Variants in GUCY2C observed in about 807,000 individuals in gnomAD.
GUCY2C encodes the protein guanylate cyclase 2C, also known as guanylyl cyclase C.
In GUCY2C, 118 loss-of-function variants were observed where a neutral mutation model predicts 131.1. That is an observed-to-expected ratio of 0.90 (90% CI 0.78 to 1.05). The LOEUF is 1.05. Ranked by LOEUF, GUCY2C falls within the 50% of genes least tolerant of loss-of-function variation. The pLI is 0.00. For missense variants in GUCY2C, 1,161 were observed against 1,304.4 expected (o/e 0.89, Z 1.69); for synonymous variants, 452 against 457.8 (o/e 0.99, Z 0.16).
At chr12:14,640,655 A>C (rs1947380939) in intron 18 of GUCY2C, among the ~76,000 whole-genome samples, 1 of 152,110 alleles carries the variant, frequency 6.6e-6, no homozygotes, top group Non-Finnish European at 1.5e-5. Context: ...AATGCTCAGT[A>C]AGTGAGGATT....
intron 20 of GUCY2C, among the ~76,000 whole-genome samples, chr12:14,627,781 G>A (rs1364523911): frequency 2.0e-5 from 3 of 152,006 alleles, no homozygotes; most frequent in Non-Finnish European, 4.4e-5. Flanking sequence ...GAAAAAAAAA[G>A]GGCTAGAATT....
chr12:14,693,672 G>A (rs1013540938), intron 1 of GUCY2C, among the ~76,000 whole-genome samples: 1 of 152,142 alleles, frequency 6.6e-6, no homozygotes, highest in African/African-American at 2.4e-5. Context: ...CCAACAAAAT[G>A]CACTAACAAA....
At chr12:14,622,832 T>G (rs956879475) in intron 21 of GUCY2C, among the ~76,000 whole-genome samples, 1 of 152,200 alleles carries the variant, frequency 6.6e-6, no homozygotes, top group African/African-American at 2.4e-5. Context: ...AGAAGTCAAA[T>G]TAAAGCAACT....
At chr12:14,682,235 T>G (rs952757228) in intron 4 of GUCY2C, among the ~76,000 whole-genome samples, 2 of 152,148 alleles carry the variant, frequency 1.3e-5, no homozygotes, top group Admixed American at 1.3e-4. Flanking sequence ...ATCCCCATAA[T>G]CCCAATAATC....
chr12:14,614,569 A>G, intron 26 of GUCY2C: 1 of 265,350 alleles, frequency 3.8e-6, no homozygotes, highest in Non-Finnish European at 7.0e-6. Context: ...AAAAAAAAAA[A>G]GGTAGTTTTA....
intron 15 of GUCY2C, among the ~76,000 whole-genome samples, chr12:14,647,947 CTTATTTATTTAT>C (rs148784736): frequency 3.4e-4 from 51 of 148,710 alleles, no homozygotes; most frequent in African/African-American, 1.1e-3. Flanking sequence ...CATCTTTTTA[CTTATTTATTTAT>C]TTATTTATTT....
chr12:14,643,437 G>T, intron 17 of GUCY2C, 137 bp downstream of exon 17: 2 of 704,978 alleles, frequency 2.8e-6, no homozygotes, highest in Non-Finnish European at 2.4e-6. Context: ...GTGAAGTTCT[G>T]GAGAATGAGC....
At chr12:14,664,924 T>C (rs532669992) in intron 10 of GUCY2C, among the ~76,000 whole-genome samples, 39 of 152,276 alleles carry the variant, frequency 2.6e-4, no homozygotes, top group African/African-American at 8.7e-4. Flanking sequence ...TGAATAAGAA[T>C]AAGCCCTGAG....
chr12:14,666,952 A>AAT (rs1251349835), intron 10 of GUCY2C, among the ~76,000 whole-genome samples: 3 of 152,170 alleles, frequency 2.0e-5, no homozygotes, highest in African/African-American at 7.2e-5. Flanking sequence ...TGCTCAGGAT[A>AAT]ATATAACGTC....
intron 15 of GUCY2C, among the ~76,000 whole-genome samples, chr12:14,646,990 T>C (rs1397158233): frequency 1.3e-5 from 2 of 152,152 alleles, no homozygotes; most frequent in African/African-American, 4.8e-5. Context: ...GTTATGAAGA[T>C]TAAAGATGGC....
At chr12:14,636,806 A>G (rs1346551474) in intron 19 of GUCY2C, among the ~76,000 whole-genome samples, 1 of 152,078 alleles carries the variant, frequency 6.6e-6, no homozygotes, top group Non-Finnish European at 1.5e-5. Context: ...ATTAACATAC[A>G]GGCTGGGTGC....
In GUCY2C at chr12:14,656,111, A is replaced by T. The variant is rs751684764; in HGVS notation, c.1470+401T>A. ...TGGTTGAAGGTAAATGTGAGCAAAT[A>T]TAAGCAGAGGCCTCTTTCTTCAGGA... On this transcript the variant is annotated intron_variant, in intron 12 of 26. Transcript: ENST00000261170. Among the ~76,000 whole-genome samples the T allele has an allele frequency of 2.0e-5, 3 of 152,238 alleles. No homozygotes were observed. The South Asian group carries it at 6.2e-4, about 31-fold the overall frequency.
rs747458188 is a variant in GUCY2C, at chr12:14,688,069, G to A, written c.218-6C>T. ...GTTCACAGTCACATTTAGGCCTGTC[G>A]CCCAGAGATGAGGGAAAATAGAACA... On this transcript the variant is annotated splice_polypyrimidine_tract_variant and splice_region_variant and intron_variant, in intron 1 of 26. Coordinates refer to ENST00000261170, the MANE Select transcript of GUCY2C (RefSeq NM_004963.4). 16 of 1,538,144 alleles carry A rather than the reference G, an allele frequency of 1.0e-5. No homozygotes were observed. Among genetic ancestry groups the A allele is most frequent in the South Asian group, 6.7e-5 (6 of 89,504 alleles).
chr12:14,617,460 C>G (rs866671067), intron 24 of GUCY2C, among the ~76,000 whole-genome samples: 28 of 152,228 alleles, frequency 1.8e-4, no homozygotes, highest in Middle Eastern at 6.8e-3. Flanking sequence ...TAGTGCCAAG[C>G]TTGGGTGTTG....
chr12:14,616,712 A>G lies in GUCY2C; in HGVS notation c.2891T>C (p.Val964Ala), dbSNP rs148548970. ...CAGGATGGCTATGGTGGAGCCACTC[A>G]CGTGAATTCTCAAAGCTGGAAATGC... is the stretch of plus-strand genomic sequence containing the variant. Reference protein sequence around the residue: ...ESTGLPLRIHVSGSTIAILKR... With the variant: ...ESTGLPLRIHASGSTIAILKR... Residue 964 changes from valine (V) to alanine (A), a missense_variant, in exon 25 of 27, where the codon GTG becomes GCG. Transcript: ENST00000261170. 1,013 of 1,601,040 alleles carry G rather than the reference A, an allele frequency of 6.3e-4. 7 individuals are homozygous for G. In the African/African-American group the frequency reaches 0.012, roughly 19 times the overall value.
intron 23 of GUCY2C, 79 bp downstream of exon 23, chr12:14,620,963 G>A (rs915939159): frequency 1.8e-6 from 2 of 1,125,556 alleles, no homozygotes; most frequent in Non-Finnish European, 2.6e-6. Context: ...CACACTTGAA[G>A]ACCTTTTATC....
chr12:14,641,087 C>G lies in GUCY2C; in HGVS notation c.2063G>C (p.Arg688Pro), dbSNP rs747192873. 3.7e-6 allele frequency: 6 copies of G among 1,613,262 alleles called. No homozygotes were observed. Among genetic ancestry groups the G allele is most frequent in the Non-Finnish European group, 5.1e-6 (6 of 1,179,780 alleles). Residue 688 changes from arginine to proline, a missense_variant, in exon 18 of 27, where the codon CGG becomes CCG. Coordinates refer to ENST00000261170, the MANE Select transcript of GUCY2C (RefSeq NM_004963.4). ...ATGAATGGGTTTAGATGTACCATTC[C>G]GGTCCCGACAGCTCAAAGTGTAGAA... ...ETFYTLSCRD[R>P]NEKIFRVENS...
intron 15 of GUCY2C, among the ~76,000 whole-genome samples, chr12:14,649,659 G>A (rs541212366): frequency 6.6e-6 from 1 of 152,132 alleles, no homozygotes; most frequent in Non-Finnish European, 1.5e-5. Flanking sequence ...AACCACATGA[G>A]CATTTTAATG....
At chr12:14,666,753 G>C (rs1308598015) in intron 10 of GUCY2C, among the ~76,000 whole-genome samples, 3 of 148,396 alleles carry the variant, frequency 2.0e-5, no homozygotes, top group Non-Finnish European at 4.5e-5. Context: ...AAAAAAAAGA[G>C]TAAGAAAAGA....
Sources: allele counts gnomAD v4.1 joint callset (sites outside exome capture counted in the v4.1 genomes callset), GRCh38; gene constraint gnomAD v4.1.1; transcripts MANE v1.5; gene names NCBI Gene and HGNC (gene_info 2026-07-23, HGNC 2026-07-21).